Variants in MCM5 observed in about 807,000 individuals in gnomAD.
MCM5 encodes the protein minichromosome maintenance complex component 5.
Under a neutral mutation model 79.9 loss-of-function variants are expected in MCM5, and 46 were observed. That is an observed-to-expected ratio of 0.58 (90% CI 0.45 to 0.74). The LOEUF (loss-of-function observed/expected upper bound fraction) is 0.74. Among genes scored for constraint, MCM5 ranks in the 30% least tolerant of loss-of-function variants. The pLI, the probability that MCM5 is intolerant of heterozygous loss-of-function variation, is 0.00. For synonymous variants in MCM5, 404 were observed against 390.5 expected, an observed-to-expected ratio of 1.03 and a Z score of -0.41; for missense variants, 883 against 1,017.0, an observed-to-expected ratio of 0.87 and a Z score of 1.79.
chr22:35,408,355 G>T, intron 5 of MCM5, 53 bp from the exon 6 acceptor site: 25 of 1,557,730 alleles, frequency 1.6e-5, no homozygotes, highest in Non-Finnish European at 2.2e-5. Flanking sequence ...AATGAGCCCT[G>T]CCTTTGGATT....
chr22:35,402,313 TTTG>T (rs1387177335), intron 2 of MCM5, among the ~76,000 whole-genome samples: 3 of 151,874 alleles, frequency 2.0e-5, no homozygotes, highest in Admixed American at 2.0e-4. Context: ...CTCCAGTTTT[TTTG>T]TTGTTTTGTT....
At chr22:35,412,209 C>T (rs752484843) in intron 7 of MCM5, among the ~76,000 whole-genome samples, 6 of 152,226 alleles carry the variant, frequency 3.9e-5, no homozygotes, top group Admixed American at 6.5e-5. Flanking sequence ...GACACTATAT[C>T]ACTCCTCGGC....
chr22:35,432,960 G>C, the MCM5 span, among the ~76,000 whole-genome samples: 1 of 152,042 alleles, frequency 6.6e-6, no homozygotes, highest in African/African-American at 2.4e-5. Flanking sequence ...TTTGAGACAG[G>C]GTCTCACAAT....
chr22:35,442,161 C>T, the MCM5 span, among the ~76,000 whole-genome samples: 3 of 152,072 alleles, frequency 2.0e-5, no homozygotes, highest in African/African-American at 4.8e-5. Context: ...TCCTTCACCC[C>T]CTGGCCCCAC....
chr22:35,442,777 A>G, the MCM5 span, among the ~76,000 whole-genome samples: 1 of 152,216 alleles, frequency 6.6e-6, no homozygotes, highest in African/African-American at 2.4e-5. Context: ...TTTGCCATGG[A>G]AGGCGCCGTG....
At chr22:35,438,780 TATTC>T in the MCM5 span, among the ~76,000 whole-genome samples, 5 of 46,050 alleles carry the variant, frequency 1.1e-4, no homozygotes, top group African/African-American at 1.1e-4. Context: ...CCCACCCACA[TATTC>T]ATCCATCCAT....
rs148746788 is a variant in MCM5, at chr22:35,417,779, C to G, written c.1626C>G (p.Ser542Arg). The change falls in exon 13 of 17, where the codon AGC becomes AGG. Residue 542 changes from serine (S) to arginine (R), a missense_variant. Ser to Arg is a moderately radical substitution (Grantham distance 110). Coordinates refer to ENST00000216122, the MANE Select transcript of MCM5 (RefSeq NM_006739.4). ...AGCATGTCATCACTCTGCACGTGAG[C>G]GCACTGACACAGACACAGGCTGTGG... ...LAKHVITLHVSALTQTQAVEG... is the reference protein window; with the variant it reads ...LAKHVITLHVRALTQTQAVEG... 7.4e-5 allele frequency: 120 copies of G among 1,614,096 alleles called. No homozygotes were observed. The East Asian group carries it at 2.6e-3, about 35-fold the overall frequency.
At chr22:35,416,119 C>A in intron 10 of MCM5, 147 bp downstream of exon 10, 1 of 1,109,704 alleles carries the variant, frequency 9.0e-7, no homozygotes, top group Non-Finnish European at 1.3e-6. Context: ...TGGGAAGCTG[C>A]TTAACCTCTT....
At chr22:35,403,152 T>C in intron 2 of MCM5, 55 bp from the exon 3 acceptor site, 1 of 1,599,538 alleles carries the variant, frequency 6.3e-7, no homozygotes, top group South Asian at 1.1e-5. Context: ...CAGCCAGTGT[T>C]GGTTTCCTCT....
the MCM5 span, among the ~76,000 whole-genome samples, chr22:35,445,264 C>T: frequency 6.6e-6 from 1 of 150,850 alleles, no homozygotes; most frequent in Non-Finnish European, 1.5e-5. Flanking sequence ...TTTCAGAATC[C>T]TAATGGGCTT....
chr22:35,400,505 GA>G lies in MCM5; in HGVS notation c.68del (p.Glu23GlyfsTer84). The G allele has an allele frequency of 6.2e-7, 1 of 1,614,098 alleles. No homozygotes were observed. The highest frequency in any genetic ancestry group is 1.7e-5 in the Admixed American group (1 of 60,024). ...DSFGGDAQAD[E>X]GQARKSQLQR... is the part of the protein sequence containing the mutation. ...CTTCGGGGGCGACGCCCAGGCCGAC[GA>G]GGGGCAGGCCCGCAAATCGCAGCTG... On this transcript the variant is annotated frameshift_variant, in exon 2 of 17. Coordinates refer to ENST00000216122, the MANE Select transcript of MCM5 (RefSeq NM_006739.4). LOFTEE classifies it high-confidence loss of function.
chr22:35,406,787 A>C, intron 5 of MCM5, 62 bp downstream of exon 5: 1 of 1,550,440 alleles, frequency 6.4e-7, no homozygotes, highest in Non-Finnish European at 8.8e-7. Context: ...AAAGGATGAG[A>C]ACAAGTAGCA....
chr22:35,419,803 C>G, intron 13 of MCM5, 81 bp from the exon 14 acceptor site: 1 of 1,446,018 alleles, frequency 6.9e-7, no homozygotes, highest in South Asian at 1.4e-5. Context: ...TGTCTGTAAG[C>G]TGGCAGGGGG....
intron 6 of MCM5, chr22:35,409,628 C>G (rs1230770851): frequency 6.6e-6 from 1 of 152,124 alleles, no homozygotes; most frequent in African/African-American, 2.4e-5. Context: ...GAGCTTGGGC[C>G]CCTCATAGTA....
chr22:35,409,138 AT>A (rs1162423917), intron 6 of MCM5, among the ~76,000 whole-genome samples: 9 of 151,916 alleles, frequency 5.9e-5, no homozygotes, highest in Non-Finnish European at 1.0e-4. Context: ...AATTTTTTGT[AT>A]TTTTTAGTAG....
At chr22:35,421,618 C>T (rs761837733) in intron 15 of MCM5, 158 bp downstream of exon 15, 14 of 905,600 alleles carry the variant, frequency 1.5e-5, no homozygotes, top group African/African-American at 6.6e-5. Flanking sequence ...AGACCCCTCT[C>T]CTCCTTTCTC....
At chr22:35,405,083 T>C (rs1346540296) in intron 4 of MCM5, among the ~76,000 whole-genome samples, 1 of 147,048 alleles carries the variant, frequency 6.8e-6, no homozygotes, top group Non-Finnish European at 1.5e-5. Flanking sequence ...TGGAGTGCAG[T>C]GGCACGATCT....
At chr22:35,415,732 G>A in intron 9 of MCM5, 97 bp from the exon 10 acceptor site, 1 of 1,385,564 alleles carries the variant, frequency 7.2e-7, no homozygotes, top group Non-Finnish European at 1.0e-6. Flanking sequence ...TTTGATGTGT[G>A]ACCTTGGGCA....
intron 2 of MCM5, chr22:35,401,593 A>G: frequency 2.1e-6 from 1 of 470,802 alleles, no homozygotes; most frequent in African/African-American, 2.0e-5. Context: ...AGTGACTTCC[A>G]GGTGTCAGTG....
Sources: allele counts gnomAD v4.1 joint callset (sites outside exome capture counted in the v4.1 genomes callset), GRCh38; gene constraint gnomAD v4.1.1; transcripts MANE v1.5; gene names NCBI Gene and HGNC (gene_info 2026-07-23, HGNC 2026-07-21).